The following GSE1 variants were observed in gnomAD, a reference collection of about 807,000 sequenced individuals.
GSE1 encodes the protein Gse1 coiled-coil protein.
A neutral mutation model predicts 112.6 loss-of-function variants in GSE1; 32 were observed. The ratio of observed to expected loss-of-function variants is 0.28; its 90% CI spans 0.21 to 0.38. GSE1 has a LOEUF of 0.38. Among genes scored for constraint, GSE1 ranks in the 10% least tolerant of loss-of-function variants. The pLI is 1.00. For missense variants in GSE1, 2,348 were observed against 1,699.2 expected (o/e 1.38, Z -6.71); for synonymous variants, 1,115 against 735.6 (o/e 1.52, Z -8.35).
chr16:85,461,059 C>A (rs2049954663), intron 2 of GSE1, among the ~76,000 whole-genome samples: 1 of 152,220 alleles, frequency 6.6e-6, no homozygotes, highest in African/African-American at 2.4e-5. Flanking sequence ...GACCCTCTCT[C>A]CCCACACCCT....
rs1337975380 is a variant in GSE1 at position 85,648,090 on chromosome 16, T to C, written c.227-462T>C. Among the ~76,000 whole-genome samples the C allele has an allele frequency of 2.6e-5, 4 of 151,998 alleles. No individual in the cohort carries two copies. The South Asian group carries it at 8.3e-4, about 32-fold the overall frequency. Reference sequence around the variant, plus strand: ...GGCAGGGTGTGTGGCCCAGCTGGCCTGTGTGTCCTGGGATGTCCACAGGCC... The same window carrying C: ...GGCAGGGTGTGTGGCCCAGCTGGCCCGTGTGTCCTGGGATGTCCACAGGCC... On this transcript the variant is annotated intron_variant, in intron 2 of 15. Coordinates refer to ENST00000253458, the MANE Select transcript of GSE1 (RefSeq NM_014615.5).
chr16:85,379,863 G>C (rs1030178575), intron 2 of GSE1, among the ~76,000 whole-genome samples: 1 of 152,228 alleles, frequency 6.6e-6, no homozygotes, highest in African/African-American at 2.4e-5. Context: ...TCACCAAAGA[G>C]AAGACCTTTG....
At chr16:85,644,343 CAAAA>C (rs749279315) in intron 2 of GSE1, among the ~76,000 whole-genome samples, 5 of 119,662 alleles carry the variant, frequency 4.2e-5, no homozygotes, top group Non-Finnish European at 5.3e-5. Flanking sequence ...GATCCTGTCT[CAAAA>C]AAAAAAAAAA....
upstream of GSE1, among the ~76,000 whole-genome samples, chr16:85,608,989 A>G (rs189787175): frequency 6.6e-6 from 1 of 152,354 alleles, no homozygotes; most frequent in Admixed American, 6.5e-5. Flanking sequence ...AGCAAGAACC[A>G]GAAAGAACGT....
At chr16:85,502,166 C>T (rs1166294251) in intron 2 of GSE1, among the ~76,000 whole-genome samples, 2 of 152,130 alleles carry the variant, frequency 1.3e-5, no homozygotes, top group Non-Finnish European at 2.9e-5. Context: ...GATGGAACTG[C>T]CCAGCTGAGC....
chr16:85,549,586 C>T (rs1384031213), intron 2 of GSE1, among the ~76,000 whole-genome samples: 1 of 152,172 alleles, frequency 6.6e-6, no homozygotes, highest in Non-Finnish European at 1.5e-5. Flanking sequence ...GAGACAGCAC[C>T]CGTGGGTGGG....
chr16:85,567,811 C>G (rs1298024084), intron 1 of GSE1, among the ~76,000 whole-genome samples: 1 of 152,216 alleles, frequency 6.6e-6, no homozygotes, highest in Non-Finnish European at 1.5e-5. Flanking sequence ...CAGCCTCTAC[C>G]TCTTGGGCTC....
intron 2 of GSE1, among the ~76,000 whole-genome samples, chr16:85,475,759 T>C (rs2050431742): frequency 6.9e-6 from 1 of 145,944 alleles, no homozygotes; most frequent in Non-Finnish European, 1.5e-5. Context: ...GGGGGAATGT[T>C]TCTTCTAATT....
chr16:85,220,179 G>C (rs186978353), intron 1 of GSE1, among the ~76,000 whole-genome samples: 3 of 152,240 alleles, frequency 2.0e-5, no homozygotes, highest in African/African-American at 4.8e-5. Flanking sequence ...GCCAGAAGCA[G>C]CTCGGCGTTA....
chr16:85,304,525 G>A (rs915451527), intron 1 of GSE1, among the ~76,000 whole-genome samples: 4 of 149,498 alleles, frequency 2.7e-5, no homozygotes, highest in Non-Finnish European at 5.9e-5. Context: ...AGCACCCAAC[G>A]TGTAGCTTCA....
At chr16:85,611,815 G>T (rs1404559831), upstream of GSE1, among the ~76,000 whole-genome samples, 2 of 151,492 alleles carry the variant, frequency 1.3e-5, no homozygotes, top group Non-Finnish European at 3.0e-5. Flanking sequence ...ATGGGGGGTG[G>T]CAGGCGCCCA....
intron 1 of GSE1, among the ~76,000 whole-genome samples, chr16:85,313,074 C>T (rs1597370713): frequency 6.6e-6 from 1 of 152,314 alleles, no homozygotes; most frequent in South Asian, 2.1e-4. Flanking sequence ...TCTGACACTC[C>T]AGTGCACACT....
chr16:85,492,396 C>T (rs1322608987), intron 2 of GSE1, among the ~76,000 whole-genome samples: 1 of 152,166 alleles, frequency 6.6e-6, no homozygotes, highest in African/African-American at 2.4e-5. Flanking sequence ...TTGCTGCACG[C>T]TACTTTCTTA....
intron 1 of GSE1, among the ~76,000 whole-genome samples, chr16:85,347,399 C>T (rs2046765255): frequency 6.6e-6 from 1 of 152,156 alleles, no homozygotes; most frequent in South Asian, 2.1e-4. Flanking sequence ...AGCACCCAAG[C>T]GCCCTGTTGC....
At chr16:85,660,442 G>C (rs961579979) in intron 8 of GSE1, among the ~76,000 whole-genome samples, 1 of 152,112 alleles carries the variant, frequency 6.6e-6, no homozygotes, top group Non-Finnish European at 1.5e-5. Context: ...TTCGAGAGCA[G>C]TCTGGCCAAC....
At chr16:85,627,009 CT>C (rs1386714606) in intron 1 of GSE1, among the ~76,000 whole-genome samples, 1 of 133,522 alleles carries the variant, frequency 7.5e-6, no homozygotes, top group Non-Finnish European at 1.6e-5. Context: ...AGCCTTGTCC[CT>C]CTCCACTGGG....
At chr16:85,428,014 A>C (rs1054981199) in intron 2 of GSE1, among the ~76,000 whole-genome samples, 4 of 152,194 alleles carry the variant, frequency 2.6e-5, no homozygotes, top group Non-Finnish European at 5.9e-5. Flanking sequence ...GCCACATTTC[A>C]AGTGCTCCAT....
chr16:85,299,799 G>A (rs1331547345), intron 1 of GSE1, among the ~76,000 whole-genome samples: 8 of 151,972 alleles, frequency 5.3e-5, no homozygotes, highest in Non-Finnish European at 8.8e-5. Flanking sequence ...ATTTAGCCAA[G>A]TGTGGTGGCA....
intron 1 of GSE1, among the ~76,000 whole-genome samples, chr16:85,620,645 C>T (rs1448767224): frequency 2.6e-5 from 4 of 152,404 alleles, no homozygotes; most frequent in Non-Finnish European, 5.9e-5. Context: ...AACAGGGTTT[C>T]GGAATCAGCC....
Sources: gnomAD v4.1 joint callset for allele counts (sites outside exome capture counted in the v4.1 genomes callset) on GRCh38, gnomAD v4.1.1 for gene constraint, MANE v1.5 for transcripts, NCBI Gene and HGNC (gene_info 2026-07-23, HGNC 2026-07-21) for gene names.